SLAMF6: variants seen among roughly 807,000 people sequenced by gnomAD.
The protein encoded by SLAMF6 is SLAM family member 6, also known as NK-T-B-antigen.
Under a neutral mutation model 38.3 loss-of-function variants are expected in SLAMF6, and 21 were observed. That is an observed-to-expected ratio of 0.55 (90% CI 0.39 to 0.79). SLAMF6 has a LOEUF of 0.79. SLAMF6 is among the 30% of genes least tolerant of loss of function. SLAMF6 has a pLI of 0.00. For synonymous variants in SLAMF6, 152 were observed against 146.3 expected (o/e 1.04, Z -0.28); for missense variants, 341 against 385.3 (o/e 0.89, Z 0.96).
At chr1:160,499,200 A>G (rs903218542) in intron 1 of SLAMF6, among the ~76,000 whole-genome samples, 1 of 152,136 alleles carries the variant, frequency 6.6e-6, no homozygotes, top group African/African-American at 2.4e-5. Flanking sequence ...GAGGTTTTAC[A>G]TTTAAATATT....
intron 1 of SLAMF6, among the ~76,000 whole-genome samples, chr1:160,497,566 G>A (rs746465503): frequency 2.6e-5 from 4 of 151,938 alleles, no homozygotes; most frequent in Non-Finnish European, 5.9e-5. Context: ...TTGTTACATG[G>A]GTATATCACA....
In SLAMF6 at chr1:160,521,123, G is replaced by A. The variant is rs140186038; in HGVS notation, c.49+2021C>T. Among the ~76,000 whole-genome samples the A allele has an allele frequency of 3.2e-3, 492 of 152,240 alleles. 2 individuals carry two copies. The highest frequency in any genetic ancestry group is 0.011 in the African/African-American group (462 of 41,540). Reference sequence around the variant, plus strand: ...CACATTTGTGTGAATGTATGACTGTGTGTAAGCTAAGTAGCATAGTGAAGT... The same window carrying A: ...CACATTTGTGTGAATGTATGACTGTATGTAAGCTAAGTAGCATAGTGAAGT... On this transcript the variant is annotated intron_variant, in intron 1 of 7. Transcript: ENST00000368057.
chr1:160,488,090 CAAA>C, intron 6 of SLAMF6, among the ~76,000 whole-genome samples: 1 of 64,044 alleles, frequency 1.6e-5, no homozygotes. Flanking sequence ...CACTCTGTCT[CAAA>C]AAAAAAAAAA....
chr1:160,493,652 C>T (rs1269031047), intron 2 of SLAMF6, among the ~76,000 whole-genome samples: 1 of 152,076 alleles, frequency 6.6e-6, no homozygotes, highest in Admixed American at 6.5e-5. Context: ...ATCATGGCTT[C>T]AAGATTTTCT....
chr1:160,487,829 C>A (rs1319635575), intron 6 of SLAMF6, among the ~76,000 whole-genome samples: 1 of 152,152 alleles, frequency 6.6e-6, no homozygotes, highest in African/African-American at 2.4e-5. Context: ...GTGGCTCATG[C>A]CTGTAAACCC....
intron 1 of SLAMF6, among the ~76,000 whole-genome samples, chr1:160,506,208 C>G (rs1448855874): frequency 6.6e-6 from 1 of 151,994 alleles, no homozygotes; most frequent in African/African-American, 2.4e-5. Flanking sequence ...AGATCCATAA[C>G]AAGACATATT....
At chr1:160,500,292 C>T (rs1428293942) in intron 1 of SLAMF6, among the ~76,000 whole-genome samples, 2 of 152,310 alleles carry the variant, frequency 1.3e-5, no homozygotes, top group Admixed American at 1.3e-4. Flanking sequence ...TCTATAAGGA[C>T]CAAAATGATC....
Position 160,490,571 on chromosome 1 carries a change from C to T in SLAMF6, c.757+4G>A. 1 of 1,611,228 alleles carries T rather than the reference C, an allele frequency of 6.2e-7. No individual in the cohort carries two copies. Among genetic ancestry groups the T allele is most frequent in the Non-Finnish European group, 8.5e-7 (1 of 1,179,268 alleles). ...AGAGACAAGTAGGAAGAAAGGAAAC[C>T]TGCCTCTTCTTTTCCTCAAAACAAG... On this transcript the variant is annotated splice_donor_region_variant and intron_variant, in intron 4 of 7. Coordinates refer to ENST00000368057, the MANE Select transcript of SLAMF6 (RefSeq NM_001184714.2).
At chr1:160,488,846 G>T (rs1653111011) in intron 6 of SLAMF6, among the ~76,000 whole-genome samples, 1 of 152,200 alleles carries the variant, frequency 6.6e-6, no homozygotes, top group Non-Finnish European at 1.5e-5. Context: ...GAAGGGACAA[G>T]ACTTACTGAT....
chr1:160,487,323 G>T, intron 6 of SLAMF6, 148 bp from the exon 7 acceptor site: 1 of 664,586 alleles, frequency 1.5e-6, no homozygotes, highest in Non-Finnish European at 2.5e-6. Flanking sequence ...GGAAGACCAA[G>T]CACGACTAGC....
intron 1 of SLAMF6, among the ~76,000 whole-genome samples, chr1:160,509,474 G>A (rs568217733): frequency 2.0e-5 from 3 of 151,912 alleles, no homozygotes; most frequent in African/African-American, 7.2e-5. Flanking sequence ...TGGACACAGG[G>A]TGGGGAACAT....
At position 160,489,184 on chromosome 1, in the gene SLAMF6, A is replaced by T. The variant is rs1249045616; in HGVS notation, c.797-14T>A. On this transcript the variant is annotated splice_polypyrimidine_tract_variant and intron_variant, in intron 5 of 7. Coordinates refer to ENST00000368057, the MANE Select transcript of SLAMF6 (RefSeq NM_001184714.2). Reference sequence around the variant, plus strand: ...TTGCGGACTCTGCTGTTAACATAGGAAGGCACAGTCAATGGCACAAGGACT... The same window carrying T: ...TTGCGGACTCTGCTGTTAACATAGGTAGGCACAGTCAATGGCACAAGGACT... 1 of 1,613,704 alleles carries T rather than the reference A, an allele frequency of 6.2e-7. No individual in the cohort carries two copies. The highest frequency in any genetic ancestry group is 1.7e-5 in the Admixed American group (1 of 59,990).
chr1:160,510,490 C>T (rs1039456468), intron 1 of SLAMF6, among the ~76,000 whole-genome samples: 1 of 152,024 alleles, frequency 6.6e-6, no homozygotes, highest in Non-Finnish European at 1.5e-5. Context: ...GAAAAATAGA[C>T]TAATGGCCAT....
chr1:160,510,890 C>A (rs956735292), intron 1 of SLAMF6, among the ~76,000 whole-genome samples: 4 of 152,062 alleles, frequency 2.6e-5, no homozygotes, highest in Non-Finnish European at 5.9e-5. Context: ...AGCAAAGTTG[C>A]AAGATACAAA....
rs573035346 is a variant in SLAMF6 at position 160,486,736 on chromosome 1, T to C, written c.970A>G (p.Arg324Gly). ...ACGACATTGTCAAGGGCAGTTGCCC[T>C]GGAAAAAGTGGGTTTACTCTGTGGG... ...HSKESKPTFS[R>G]ATALDNVV is the part of the protein sequence containing the mutation. Residue 324 changes from arginine to glycine, a missense_variant, in exon 8 of 8, where the codon AGG becomes GGG. By Grantham distance (125) the Arg-to-Gly change is moderately radical. Transcript: ENST00000368057. 5.0e-6 allele frequency: 8 copies of C among 1,613,774 alleles called. No homozygotes were observed. In the South Asian group the frequency reaches 7.7e-5, roughly 16 times the overall value.
intron 5 of SLAMF6, 88 bp from the exon 6 acceptor site, chr1:160,489,258 C>T (rs1557933374): frequency 2.3e-6 from 3 of 1,283,128 alleles, no homozygotes; most frequent in Non-Finnish European, 3.4e-6. Context: ...ACACTGTGTC[C>T]CCAGATAGGC....
Position 160,486,632 on chromosome 1 carries a change from C to A in SLAMF6, c.*75G>T. On this transcript the variant is annotated 3_prime_UTR_variant, in exon 8 of 8. Transcript: ENST00000368057. Reference sequence around the variant, plus strand: ...GTTGCCAGGAACAACAGGAACCAAGCTTCCTGTTCTTTGTTCTGTCTCATG... The same window carrying A: ...GTTGCCAGGAACAACAGGAACCAAGATTCCTGTTCTTTGTTCTGTCTCATG... 2 of 1,428,150 alleles carry A rather than the reference C, an allele frequency of 1.4e-6. No individual in the cohort carries two copies. Among genetic ancestry groups the A allele is most frequent in the South Asian group, 1.2e-5 (1 of 86,728 alleles). The allele number at this position is 1,428,150 out of a possible 1,614,324, so 88.5% of individuals were successfully genotyped here.
chr1:160,500,555 T>C (rs1349821896), intron 1 of SLAMF6, among the ~76,000 whole-genome samples: 1 of 152,146 alleles, frequency 6.6e-6, no homozygotes, highest in Non-Finnish European at 1.5e-5. Flanking sequence ...CATCCACCCT[T>C]GCACATCCAG....
At chr1:160,497,617 C>A (rs1653658154) in intron 1 of SLAMF6, among the ~76,000 whole-genome samples, 1 of 152,106 alleles carries the variant, frequency 6.6e-6, no homozygotes, top group Non-Finnish European at 1.5e-5. Context: ...AGTTATTCAA[C>A]CCATTACCTG....
Sources: gnomAD v4.1 joint callset for allele counts (sites outside exome capture counted in the v4.1 genomes callset) on GRCh38, gnomAD v4.1.1 for gene constraint, MANE v1.5 for transcripts, NCBI Gene and HGNC (gene_info 2026-07-23, HGNC 2026-07-21) for gene names.